The following RNF217 variants were observed in gnomAD, a reference collection of about 807,000 sequenced individuals.
RNF217 encodes ring finger protein 217.
RNF217 carries 31 observed loss-of-function variants against 57.8 expected under a neutral mutation model. The ratio of observed to expected loss-of-function variants is 0.54; its 90% confidence interval spans 0.40 to 0.72. RNF217 has a LOEUF of 0.72. Among genes scored for constraint, RNF217 ranks in the 30% least tolerant of loss-of-function variants. The pLI is 0.00. For synonymous variants in RNF217, 313 were observed against 294.0 expected (o/e 1.06, Z -0.66); for missense variants, 696 against 708.3 (o/e 0.98, Z 0.20).
chr6:125,050,083 G>C (rs1169457521), intron 2 of RNF217, among the ~76,000 whole-genome samples: 1 of 151,898 alleles, frequency 6.6e-6, no homozygotes, highest in Non-Finnish European at 1.5e-5. Context: ...TTATGGAAGA[G>C]AGGAGAGATG....
chr6:125,039,998 A>G (rs1786809082), intron 1 of RNF217, among the ~76,000 whole-genome samples: 3 of 152,194 alleles, frequency 2.0e-5, no homozygotes, highest in Admixed American at 2.0e-4. Flanking sequence ...AGAAAGCTGG[A>G]AAGATCTGAA....
At chr6:125,080,133 G>A (rs1218062787) in intron 4 of RNF217, among the ~76,000 whole-genome samples, 1 of 151,998 alleles carries the variant, frequency 6.6e-6, no homozygotes, top group Admixed American at 6.6e-5. Context: ...ATGTGCATAG[G>A]AGAAAAACAC....
chr6:125,040,206 A>G (rs1786819763), intron 1 of RNF217, among the ~76,000 whole-genome samples: 1 of 152,200 alleles, frequency 6.6e-6, no homozygotes, highest in African/African-American at 2.4e-5. Context: ...CTAGACTAAT[A>G]AAGAAGAAAA....
chr6:125,011,235 CAAAT>C, intron 1 of RNF217, among the ~76,000 whole-genome samples: 1 of 152,170 alleles, frequency 6.6e-6, no homozygotes, highest in Non-Finnish European at 1.5e-5. Context: ...AGACTGAAAG[CAAAT>C]AAATATTACA....
chr6:125,071,271 G>A (rs1788124440), intron 3 of RNF217, among the ~76,000 whole-genome samples: 1 of 152,048 alleles, frequency 6.6e-6, no homozygotes, highest in South Asian at 2.1e-4. Context: ...TTTGAATTTC[G>A]ATCTTTTCCC....
At position 125,083,738 on chromosome 6, in the gene RNF217, C is replaced by A. The variant is rs1440249679; in HGVS notation, c.*801C>A. ...GACAACAGGCCATTTCGATACTGAACTTTTCTATTTCTTGCTCTTTCTTTT... is the reference window on the plus strand; with the variant it reads ...GACAACAGGCCATTTCGATACTGAAATTTTCTATTTCTTGCTCTTTCTTTT... On this transcript the variant is annotated 3_prime_UTR_variant, in exon 6 of 6. Transcript: ENST00000521654. 2 of 152,006 alleles carry A rather than the reference C, an allele frequency of 1.3e-5. No individual in the cohort carries two copies. Among genetic ancestry groups the A allele is most frequent in the East Asian group, 3.9e-4 (2 of 5,190 alleles). The allele number at this position is 152,006 out of a possible 1,614,324, so 9.4% of individuals were successfully genotyped here.
At chr6:124,978,210 C>A (rs1375353951) in intron 1 of RNF217, among the ~76,000 whole-genome samples, 1 of 152,046 alleles carries the variant, frequency 6.6e-6, no homozygotes. Context: ...AATTGTGTTA[C>A]AGGATTCCTT....
intron 1 of RNF217, among the ~76,000 whole-genome samples, chr6:125,015,094 A>G (rs933875519): frequency 2.0e-5 from 3 of 152,204 alleles, no homozygotes; most frequent in African/African-American, 7.2e-5. Context: ...CTTAGCAATC[A>G]CTTAGAAGTT....
Position 125,045,229 on chromosome 6 carries a change from G to A in RNF217, c.901G>A (p.Glu301Lys), listed in dbSNP as rs750987582. 1.9e-6 allele frequency: 3 copies of A among 1,612,242 alleles called. No homozygotes were observed. The highest frequency in any genetic ancestry group is 2.5e-6 in the Non-Finnish European group (3 of 1,179,062). Residue 301 changes from glutamate to lysine, a missense_variant, in exon 2 of 6, where the codon GAA (glutamate) becomes AAA (lysine). Around this residue, in one of 2 missense-constraint regions of RNF217, gnomAD observed 231 missense variants for 321.4 expected, o/e 0.72. Coordinates refer to ENST00000521654, the MANE Select transcript of RNF217 (RefSeq NM_001286398.3). ...CATGCAGGTACAACTTGGCCAAGTA[G>A]AAATCAAATGCCCCATCACAGAGTG... ...LSAQVQLGQVEIKCPITECFE... is the reference protein window; with the variant it reads ...LSAQVQLGQVKIKCPITECFE...
chr6:125,067,425 A>G (rs1474276174), intron 3 of RNF217, among the ~76,000 whole-genome samples: 2 of 152,202 alleles, frequency 1.3e-5, no homozygotes, highest in Admixed American at 6.5e-5. Context: ...TAATGACAAT[A>G]TGAACTAGGC....
chr6:124,981,829 G>A (rs937882531), intron 1 of RNF217, among the ~76,000 whole-genome samples: 2 of 149,554 alleles, frequency 1.3e-5, no homozygotes, highest in African/African-American at 4.9e-5. Flanking sequence ...CCATCCTGGC[G>A]AACGTGGTGA....
At chr6:125,010,589 G>A (rs1483784360) in intron 1 of RNF217, among the ~76,000 whole-genome samples, 1 of 152,154 alleles carries the variant, frequency 6.6e-6, no homozygotes, top group Non-Finnish European at 1.5e-5. Flanking sequence ...GTTTAAACAA[G>A]CTTAAGTTTA....
chr6:125,000,265 G>T (rs1028959803), intron 1 of RNF217, among the ~76,000 whole-genome samples: 4 of 151,970 alleles, frequency 2.6e-5, no homozygotes, highest in African/African-American at 9.7e-5. Context: ...AATGTATTCT[G>T]TTGAATGGTA....
At chr6:125,032,573 A>G (rs2114475188) in intron 1 of RNF217, among the ~76,000 whole-genome samples, 1 of 152,190 alleles carries the variant, frequency 6.6e-6, no homozygotes, top group South Asian at 2.1e-4. Context: ...AAAAAGGACA[A>G]AATATGTATA....
chr6:124,995,106 G>A (rs1468173633), intron 1 of RNF217, among the ~76,000 whole-genome samples: 1 of 152,004 alleles, frequency 6.6e-6, no homozygotes, highest in Non-Finnish European at 1.5e-5. Flanking sequence ...AGATGTTTGT[G>A]GTTTGTCAGT....
chr6:125,065,605 G>C (rs1236255321), intron 3 of RNF217, among the ~76,000 whole-genome samples: 1 of 152,162 alleles, frequency 6.6e-6, no homozygotes, highest in Non-Finnish European at 1.5e-5. Context: ...TTCTGCAAAG[G>C]ATGAAATCCA....
chr6:125,009,746 C>A (rs1785348897), intron 1 of RNF217, among the ~76,000 whole-genome samples: 1 of 152,054 alleles, frequency 6.6e-6, no homozygotes, highest in South Asian at 2.1e-4. Flanking sequence ...AAACTGCTGA[C>A]AAGCTGCATT....
chr6:125,019,965 C>A (rs1785769046), intron 1 of RNF217, among the ~76,000 whole-genome samples: 1 of 152,060 alleles, frequency 6.6e-6, no homozygotes, highest in Middle Eastern at 3.2e-3. Context: ...GCCCAGTAAC[C>A]CTGGGCGAGG....
intron 1 of RNF217, among the ~76,000 whole-genome samples, chr6:125,036,388 C>T (rs911593940): frequency 4.6e-5 from 7 of 152,120 alleles, no homozygotes; most frequent in African/African-American, 7.2e-5. Context: ...AATAAACATA[C>T]GTGTGCATGT....
Sources: allele counts gnomAD v4.1 joint callset (sites outside exome capture counted in the v4.1 genomes callset), GRCh38; gene constraint gnomAD v4.1.1; regional missense constraint gnomAD v4.1.1; transcripts MANE v1.5; gene names NCBI Gene and HGNC (gene_info 2026-07-23, HGNC 2026-07-21).